The following CDH4 variants were observed in gnomAD, a reference collection of about 807,000 sequenced individuals.
The protein encoded by CDH4 is cadherin-4.
Under a neutral mutation model 86.0 loss-of-function variants are expected in CDH4, and 33 were observed. That is an observed-to-expected ratio of 0.38 (90% CI 0.29 to 0.51). The LOEUF is 0.51. Among genes scored for constraint, CDH4 ranks in the 20% least tolerant of loss-of-function variants. CDH4 has a pLI of 0.86. For synonymous variants in CDH4, 555 were observed against 549.4 expected (o/e 1.01, Z -0.14); for missense variants, 1,114 against 1,307.4 (o/e 0.85, Z 2.28).
chr20:61,901,616 A>G (rs1289236053), intron 8 of CDH4, among the ~76,000 whole-genome samples: 1 of 152,182 alleles, frequency 6.6e-6, no homozygotes, highest in East Asian at 1.9e-4. Flanking sequence ...AGGCTTGGGC[A>G]CTTCCCTCCA....
intron 4 of CDH4, among the ~76,000 whole-genome samples, chr20:61,809,284 C>T (rs540797526): frequency 5.1e-4 from 77 of 152,086 alleles, no homozygotes; most frequent in Non-Finnish European, 9.6e-4. Flanking sequence ...GATGTGGTCC[C>T]GGGGATGGTC....
intron 7 of CDH4, among the ~76,000 whole-genome samples, chr20:61,893,203 C>G (rs1776251): frequency 0.87 from 36,633 of 41,952 alleles, 17,932 homozygotes; most frequent in Non-Finnish European, 0.9. Context: ...GAATGGGTGG[C>G]TGAATAGAGG....
Position 61,252,468 on chromosome 20 carries a change from AG to A in CDH4, c.-43del. 1 of 988,396 alleles carries A rather than the reference AG, an allele frequency of 1.0e-6. No individual in the cohort carries two copies. Among genetic ancestry groups the A allele is most frequent in the Non-Finnish European group, 1.2e-6 (1 of 812,150 alleles). The allele number at this position is 988,396 out of a possible 1,614,324, so 61.2% of individuals were successfully genotyped here. On this transcript the variant is annotated 5_prime_UTR_variant, in exon 1 of 16. Coordinates refer to ENST00000614565, the MANE Select transcript of CDH4 (RefSeq NM_001794.5). The surrounding 1 kb of genome is among the most constrained non-coding windows in gnomAD (Gnocchi z 4.4). ...CGGCGGCGGCGGCGGCGGCGGCGGC[AG>A]GGAGCGGGCTCCCGGTGCCGGGCAC... is the stretch of plus-strand genomic sequence containing the variant.
chr20:61,654,411 C>T (rs1296330121), intron 2 of CDH4, among the ~76,000 whole-genome samples: 8 of 151,886 alleles, frequency 5.3e-5, no homozygotes, highest in South Asian at 2.1e-4. Context: ...AGAGGGAGAC[C>T]GTGGAAAGAG....
chr20:61,604,353 G>A lies in CDH4; in HGVS notation c.170-139210G>A, dbSNP rs59641919. Among the ~76,000 whole-genome samples the A allele has an allele frequency of 2.6e-5, 4 of 152,284 alleles. No homozygotes were observed. In the East Asian group the frequency reaches 7.7e-4, roughly 29 times the overall value. On this transcript the variant is annotated intron_variant, in intron 2 of 15. Transcript: ENST00000614565. Reference sequence around the variant, plus strand: ...CTAATGGGCCTTTTTGGACAGTGACGATGATCTCCGATGAGTTATTAATAC... The same window carrying A: ...CTAATGGGCCTTTTTGGACAGTGACAATGATCTCCGATGAGTTATTAATAC...
At chr20:61,360,856 G>A (rs1261386966) in intron 2 of CDH4, among the ~76,000 whole-genome samples, 1 of 152,186 alleles carries the variant, frequency 6.6e-6, no homozygotes, top group Non-Finnish European at 1.5e-5. Context: ...CTTGTGAACC[G>A]ATAGTTTTAA....
chr20:61,556,566 G>A (rs935889137), intron 2 of CDH4, among the ~76,000 whole-genome samples: 2 of 152,142 alleles, frequency 1.3e-5, no homozygotes, highest in African/African-American at 4.8e-5. Flanking sequence ...TGGAACAAGG[G>A]GGCCTCTTGG....
At position 61,444,851 on chromosome 20, in the gene CDH4, TTGTG is replaced by T. The variant is rs375028693; in HGVS notation, c.169+189918_169+189921del. 2.9e-3 allele frequency among the ~76,000 whole-genome samples: 446 copies of T among 151,816 alleles called. 4 individuals are homozygous for T. Among genetic ancestry groups the T allele is most frequent in the Middle Eastern group, 0.01 (3 of 292 alleles). ...TGTACATCTGTGTCTGTGTGTATAT[TTGTG>T]TGTATATGTATGTGTGTTTCTCTAT... On this transcript the variant is annotated intron_variant, in intron 2 of 15. Transcript: ENST00000614565.
intron 4 of CDH4, among the ~76,000 whole-genome samples, chr20:61,838,220 C>T (rs1212453115): frequency 2.0e-5 from 3 of 152,100 alleles, no homozygotes; most frequent in African/African-American, 7.2e-5. Flanking sequence ...TGTCCAGGAA[C>T]GGTTGGGCCC....
chr20:61,293,013 T>TGGATGTGGCTGGGTGTGGTCCCC (rs2084332039), intron 2 of CDH4, among the ~76,000 whole-genome samples: 1 of 152,160 alleles, frequency 6.6e-6, no homozygotes, highest in African/African-American at 2.4e-5. Flanking sequence ...CCTAGGGGCC[T>TGGATGTGGCTGGGTGTGGTCCCC]GGCTGTGGCT....
chr20:61,702,996 C>T (rs912308587), intron 2 of CDH4, among the ~76,000 whole-genome samples: 1 of 152,186 alleles, frequency 6.6e-6, no homozygotes, highest in Non-Finnish European at 1.5e-5. Context: ...TGAAGACTTC[C>T]TCAACAAGCC....
chr20:61,349,193 G>T (rs1413168115), intron 2 of CDH4, among the ~76,000 whole-genome samples: 1 of 152,196 alleles, frequency 6.6e-6, no homozygotes, highest in African/African-American at 2.4e-5. Flanking sequence ...GACAGGCTGG[G>T]TCATCAGGAA....
chr20:61,355,075 G>A (rs2084740566), intron 2 of CDH4, among the ~76,000 whole-genome samples: 1 of 152,108 alleles, frequency 6.6e-6, no homozygotes, highest in Non-Finnish European at 1.5e-5. Flanking sequence ...AAACCACTGT[G>A]GGAATAAAAT....
intron 4 of CDH4, among the ~76,000 whole-genome samples, chr20:61,775,324 A>G (rs1192297830): frequency 6.6e-6 from 1 of 152,042 alleles, no homozygotes; most frequent in African/African-American, 2.4e-5. Context: ...GGTCACCGAG[A>G]CAGGGAGCGG....
chr20:61,870,056 G>T (rs532789967), intron 6 of CDH4, among the ~76,000 whole-genome samples: 1 of 152,166 alleles, frequency 6.6e-6, no homozygotes, highest in African/African-American at 2.4e-5. Context: ...AAGGGAGTAC[G>T]CGGGTCTCTG....
At chr20:61,640,854 A>G (rs1361822923) in intron 2 of CDH4, among the ~76,000 whole-genome samples, 1 of 152,154 alleles carries the variant, frequency 6.6e-6, no homozygotes, top group East Asian at 1.9e-4. Flanking sequence ...TCTTTGGGTG[A>G]TTCTTGGTTC....
chr20:61,844,422 G>A (rs558963738), intron 4 of CDH4, among the ~76,000 whole-genome samples: 15 of 152,044 alleles, frequency 9.9e-5, no homozygotes, highest in East Asian at 1.9e-4. Context: ...CAGGCATCCC[G>A]AGTTCTCGGT....
At chr20:61,352,869 T>A (rs1027188515) in intron 2 of CDH4, among the ~76,000 whole-genome samples, 3 of 152,098 alleles carry the variant, frequency 2.0e-5, no homozygotes, top group Non-Finnish European at 2.9e-5. Context: ...CGTGCACCTG[T>A]GAGACGCTGC....
chr20:61,610,938 TGC>T (rs2086680626), intron 2 of CDH4, among the ~76,000 whole-genome samples: 1 of 150,966 alleles, frequency 6.6e-6, no homozygotes, highest in Non-Finnish European at 1.5e-5. Flanking sequence ...TGTGTGGAAA[TGC>T]TGGCCAGGGC....
Sources: allele counts gnomAD v4.1 joint callset (sites outside exome capture counted in the v4.1 genomes callset), GRCh38; gene constraint gnomAD v4.1.1; non-coding constraint Gnocchi (gnomAD v3.1); transcripts MANE v1.5; gene names NCBI Gene and HGNC (gene_info 2026-07-23, HGNC 2026-07-21).